Variants in GAS2L1 observed in about 807,000 individuals in gnomAD.
GAS2L1 encodes GAS2-like protein 1.
GAS2L1 carries 26 observed loss-of-function variants against 44.0 expected under a neutral mutation model. The observed-to-expected ratio is 0.59, with a 90% confidence interval of 0.43 to 0.82. The LOEUF (loss-of-function observed/expected upper bound fraction) is 0.82, where lower values mean the gene tolerates loss of function less well. GAS2L1 is among the 40% of genes least tolerant of loss of function. GAS2L1 has a pLI of 0.00. For missense variants in GAS2L1, 1,006 were observed against 983.0 expected (o/e 1.02, Z -0.31); for synonymous variants, 426 against 415.9 (o/e 1.02, Z -0.30).
In GAS2L1 at chr22:29,310,424, T is replaced by C. The variant is rs923630818; in HGVS notation, c.634-15T>C. 5 of 1,458,494 alleles carry C rather than the reference T, an allele frequency of 3.4e-6. No homozygotes were observed. The highest frequency in any genetic ancestry group is 4.8e-6 in the Non-Finnish European group (5 of 1,039,538). 90.3% of individuals were successfully genotyped at this position (1,458,494 alleles called of 1,614,324 possible). On this transcript the variant is annotated splice_polypyrimidine_tract_variant and intron_variant, in intron 1 of 4. Coordinates refer to ENST00000618518, the Ensembl canonical transcript of GAS2L1. ...GACTTGACCTCTGACCCCTACCCTC[T>C]CTCTCTGGCCTCAGGTGAGGGAGAT... is the stretch of plus-strand genomic sequence containing the variant.
Position 29,311,666 on chromosome 22 carries a change from C to CCA in GAS2L1, c.1216_1217insAC (p.Arg406HisfsTer134), listed in dbSNP as rs1198605169. 6.6e-7 allele frequency: 1 copy of CCA among 1,526,538 alleles called. No homozygotes were observed. Among genetic ancestry groups the CCA allele is most frequent in the East Asian group, 2.5e-5 (1 of 40,570 alleles). 94.6% of individuals were successfully genotyped at this position (1,526,538 alleles called of 1,614,324 possible). Reference sequence around the variant, plus strand: ...GGCCTCCTGCCCTGCGCAGCCAGTCCCGAGACCGGCTGGATCGCGGCCGGC... The same window carrying CCA: ...GGCCTCCTGCCCTGCGCAGCCAGTCCCACGAGACCGGCTGGATCGCGGCCGGC... On this transcript the variant is annotated frameshift_variant, in exon 5 of 5. Transcript: ENST00000618518. LOFTEE classifies it high-confidence loss of function.
At chr22:29,311,749 G>T (rs778242873) in exon 5 of GAS2L1, 38 of 1,534,926 alleles carry the variant, frequency 2.5e-5, no homozygotes, top group Non-Finnish European at 3.1e-5. Flanking sequence ...CCTGCCCGGC[G>T]GGCCCGGAGC....
At chr22:29,308,163 C>T in exon 1 of GAS2L1, 1 of 1,591,642 alleles carries the variant, frequency 6.3e-7, no homozygotes, top group African/African-American at 1.3e-5. Context: ...GCGGCCATTT[C>T]GCTCCAGTGA....
exon 5 of GAS2L1, chr22:29,312,009 C>A (rs1006605362): frequency 5.0e-6 from 8 of 1,611,800 alleles, no homozygotes; most frequent in Non-Finnish European, 5.9e-6. Context: ...GCTGTTCCGG[C>A]GCCTGGAAGA....
chr22:29,311,700 G>C (rs988554559), exon 5 of GAS2L1: 1 of 1,526,156 alleles, frequency 6.6e-7, no homozygotes, highest in Non-Finnish European at 8.8e-7. Flanking sequence ...GCCCCGGGGG[G>C]CCCCAGGAGG....
chr22:29,312,169 T>G, exon 5 of GAS2L1: 1 of 1,613,102 alleles, frequency 6.2e-7, no homozygotes, highest in Non-Finnish European at 8.5e-7. Flanking sequence ...CTCAGCGTCC[T>G]GGGTGGCAAA....
chr22:29,311,363 C>T (rs1041187652), intron 4 of GAS2L1, 99 bp from the exon 6 acceptor site: 4 of 606,426 alleles, frequency 6.6e-6, no homozygotes, highest in African/African-American at 5.6e-5. Context: ...CTGACAGCCC[C>T]GTCCACCAGC....
Position 29,308,237 on chromosome 22 carries a change from T to C in GAS2L1, c.132T>C (p.Gly44=). 3.7e-6 allele frequency: 6 copies of C among 1,609,210 alleles called. No homozygotes were observed. The South Asian group carries it at 5.5e-5, about 15-fold the overall frequency. Residue 44 remains glycine, a synonymous_variant, in exon 1 of 5, where the codon GGT becomes GGC. Transcript: ENST00000618518. ...GGCTCAATGCCTTGTACGGCCTGGG[T>C]CTCCCGGGTGGTGGCGATGGCTTCC...
At chr22:29,311,367 CACCA>C in intron 4 of GAS2L1, 91 bp from the exon 6 acceptor site, 2 of 610,222 alleles carry the variant, frequency 3.3e-6, no homozygotes, top group Non-Finnish European at 5.7e-6. Flanking sequence ...CAGCCCCGTC[CACCA>C]GCCACATACC....
At chr22:29,309,923 G>A (rs1308688113) in intron 1 of GAS2L1, among the ~76,000 whole-genome samples, 1 of 152,134 alleles carries the variant, frequency 6.6e-6, no homozygotes, top group Non-Finnish European at 1.5e-5. Context: ...ATCTCATCCT[G>A]GGCAGCTCCC....
chr22:29,311,827 C>A, exon 5 of GAS2L1: 1 of 1,591,508 alleles, frequency 6.3e-7, no homozygotes. Flanking sequence ...TCATGGGTGC[C>A]AAGGGGCAGG....
At chr22:29,307,973 G>C (rs990161984) in exon 1 of GAS2L1, 1 of 661,072 alleles carries the variant, frequency 1.5e-6, no homozygotes. Context: ...GAGCCAACAT[G>C]TAAACCAGGC....
At chr22:29,309,320 G>T (rs1002764846) in intron 1 of GAS2L1, among the ~76,000 whole-genome samples, 5 of 152,190 alleles carry the variant, frequency 3.3e-5, no homozygotes, top group Admixed American at 6.5e-5. Context: ...TACAGGATTC[G>T]TTCTACTCTA....
At chr22:29,311,494 C>T in exon 5 of GAS2L1, 3 of 1,509,032 alleles carry the variant, frequency 2.0e-6, no homozygotes, top group African/African-American at 2.8e-5. Flanking sequence ...CATCCCCGCT[C>T]CCGCCGCTAC....
chr22:29,309,356 C>T (rs181086141), intron 1 of GAS2L1, among the ~76,000 whole-genome samples: 1 of 152,356 alleles, frequency 6.6e-6, no homozygotes, highest in East Asian at 1.9e-4. Context: ...GGGCCCTGCC[C>T]CCAAGTCTCT....
exon 5 of GAS2L1, chr22:29,311,482 C>G (rs1392136574): frequency 1.4e-6 from 2 of 1,462,942 alleles, no homozygotes; most frequent in Admixed American, 4.3e-5. Flanking sequence ...CAGCTGCCCC[C>G]CCATCCCCGC....
At chr22:29,308,945 C>T (rs1389329253) in intron 1 of GAS2L1, among the ~76,000 whole-genome samples, 3 of 152,234 alleles carry the variant, frequency 2.0e-5, no homozygotes, top group Non-Finnish European at 2.9e-5. Flanking sequence ...GGGGAGATGA[C>T]GCAGCCCAGC....
At chr22:29,308,888 T>C (rs1023289445) in intron 1 of GAS2L1, 150 bp downstream of exon 2, 5 of 592,088 alleles carry the variant, frequency 8.4e-6, no homozygotes, top group Non-Finnish European at 1.3e-5. Flanking sequence ...CCGAGGAATG[T>C]ATACCTGACC....
chr22:29,311,929 C>T (rs2061413157), exon 5 of GAS2L1: 7 of 1,604,556 alleles, frequency 4.4e-6, no homozygotes, highest in Non-Finnish European at 5.9e-6. Context: ...AGCCCCAGTC[C>T]AGAGTTGGGC....
Sources: allele counts gnomAD v4.1 joint callset (sites outside exome capture counted in the v4.1 genomes callset), GRCh38; gene constraint gnomAD v4.1.1; transcripts MANE v1.5; gene names NCBI Gene and HGNC (gene_info 2026-07-23, HGNC 2026-07-21).